The following ZMAT4 variants were observed in gnomAD, a reference collection of about 807,000 sequenced individuals.
ZMAT4 encodes the protein zinc finger matrin-type 4, also known as zinc finger matrin-type protein 4.
A neutral mutation model predicts 28.7 loss-of-function variants in ZMAT4; 17 were observed. The ratio of observed to expected loss-of-function variants is 0.59; its 90% CI spans 0.41 to 0.89. ZMAT4 has a LOEUF of 0.89. Ranked by LOEUF, ZMAT4 falls within the 40% of genes least tolerant of loss-of-function variation. The pLI is 0.00. For synonymous variants in ZMAT4, 117 were observed against 109.2 expected (o/e 1.07, Z -0.44); for missense variants, 240 against 283.8 (o/e 0.85, Z 1.11).
At chr8:40,637,862 A>T (rs1345244551) in intron 5 of ZMAT4, among the ~76,000 whole-genome samples, 1 of 152,204 alleles carries the variant, frequency 6.6e-6, no homozygotes, top group Non-Finnish European at 1.5e-5. Flanking sequence ...TACAAAATGG[A>T]ATACTATTTA....
rs540837579 is a variant in ZMAT4, at chr8:40,647,103, T to A, written c.577+27601A>T. 9.8e-5 allele frequency among the ~76,000 whole-genome samples: 15 copies of A among 152,340 alleles called. No individual in the cohort carries two copies. In the South Asian group the frequency reaches 2.7e-3, roughly 27 times the overall value. On this transcript the variant is annotated intron_variant, in intron 5 of 6. Coordinates refer to ENST00000297737, the MANE Select transcript of ZMAT4 (RefSeq NM_024645.3). ...TGGCCTAATAGGAACAGCTCCGGTC[T>A]ACAGCTCCCAGCGTGAGCGACGCAG...
intron 1 of ZMAT4, among the ~76,000 whole-genome samples, chr8:40,879,418 G>T (rs533952934): frequency 6.6e-6 from 1 of 152,118 alleles, no homozygotes; most frequent in Non-Finnish European, 1.5e-5. Context: ...GTGAGACCCT[G>T]TCTCTTAAAA....
chr8:40,690,426 G>A (rs989057266), intron 4 of ZMAT4, among the ~76,000 whole-genome samples: 1 of 152,090 alleles, frequency 6.6e-6, no homozygotes, highest in Non-Finnish European at 1.5e-5. Flanking sequence ...ACATCAACTG[G>A]AACAAATGCA....
chr8:40,604,976 C>T (rs554378530), intron 5 of ZMAT4, among the ~76,000 whole-genome samples: 3 of 152,072 alleles, frequency 2.0e-5, no homozygotes, highest in Non-Finnish European at 4.4e-5. Context: ...CATAAATGTG[C>T]TCATAGTAGC....
chr8:40,692,530 C>T (rs1011174859), intron 4 of ZMAT4, among the ~76,000 whole-genome samples: 6 of 152,170 alleles, frequency 3.9e-5, no homozygotes, highest in Admixed American at 1.3e-4. Flanking sequence ...CAAAGTCTAA[C>T]GCAGTTGAAT....
chr8:40,745,013 A>C (rs1480900171), intron 3 of ZMAT4, among the ~76,000 whole-genome samples: 1 of 152,198 alleles, frequency 6.6e-6, no homozygotes, highest in Admixed American at 6.5e-5. Flanking sequence ...ACTTGGAACA[A>C]GGGTCAGGAG....
At chr8:40,826,938 G>A (rs779721557) in intron 1 of ZMAT4, among the ~76,000 whole-genome samples, 9 of 152,066 alleles carry the variant, frequency 5.9e-5, no homozygotes, top group Non-Finnish European at 1.0e-4. Context: ...CCTCCTACCC[G>A]TCAAGCAAGA....
intron 2 of ZMAT4, among the ~76,000 whole-genome samples, chr8:40,811,988 A>G (rs1586094876): frequency 6.6e-6 from 1 of 150,692 alleles, no homozygotes; most frequent in Non-Finnish European, 1.5e-5. Flanking sequence ...AAAATTAGCC[A>G]GGCGTGGTGG....
At chr8:40,815,210 G>A (rs975625080) in intron 2 of ZMAT4, among the ~76,000 whole-genome samples, 4 of 152,164 alleles carry the variant, frequency 2.6e-5, no homozygotes, top group Non-Finnish European at 2.9e-5. Flanking sequence ...AGGAGGTGGA[G>A]GTTGCAGTGA....
intron 5 of ZMAT4, among the ~76,000 whole-genome samples, chr8:40,607,375 C>T (rs374498627): frequency 1.3e-5 from 2 of 152,050 alleles, no homozygotes; most frequent in African/African-American, 4.8e-5. Flanking sequence ...TCGTGATCTG[C>T]CCACTCAGCC....
intron 3 of ZMAT4, among the ~76,000 whole-genome samples, chr8:40,732,834 C>CTT (rs11461186): frequency 0.053 from 3,550 of 67,058 alleles, 653 homozygotes; most frequent in Non-Finnish European, 0.07. Context: ...GCAAGACCTC[C>CTT]TTTTTTTTTT....
intron 1 of ZMAT4, among the ~76,000 whole-genome samples, chr8:40,830,498 A>C (rs6983851): frequency 0.24 from 36,465 of 152,038 alleles, 4,616 homozygotes; most frequent in South Asian, 0.32. Flanking sequence ...TTATTGCTGC[A>C]AAGGACACTA....
rs575422015 is a variant in ZMAT4, at chr8:40,798,281, G to A, written c.102+27294C>T. On this transcript the variant is annotated intron_variant, in intron 2 of 6. Coordinates refer to ENST00000297737, the MANE Select transcript of ZMAT4 (RefSeq NM_024645.3). Reference sequence around the variant, plus strand: ...CACATCTCGGAAAGAACTTTCTGATGTTCTCTTCCTCCTCCCCTGGCAAAC... The same window carrying A: ...CACATCTCGGAAAGAACTTTCTGATATTCTCTTCCTCCTCCCCTGGCAAAC... 2.6e-5 allele frequency among the ~76,000 whole-genome samples: 4 copies of A among 152,254 alleles called. No homozygotes were observed. In the South Asian group the frequency reaches 8.3e-4, roughly 32 times the overall value.
At chr8:40,643,670 G>C (rs1410979321) in intron 5 of ZMAT4, among the ~76,000 whole-genome samples, 6 of 151,882 alleles carry the variant, frequency 4.0e-5, no homozygotes, top group African/African-American at 1.5e-4. Flanking sequence ...GAGGAAGCGA[G>C]CCCAGCCTGG....
intron 1 of ZMAT4, among the ~76,000 whole-genome samples, chr8:40,832,161 G>A (rs932661057): frequency 2.6e-5 from 4 of 151,950 alleles, no homozygotes; most frequent in Admixed American, 2.0e-4. Flanking sequence ...TCCAGCTCGC[G>A]ACCACCATAA....
intron 5 of ZMAT4, among the ~76,000 whole-genome samples, chr8:40,611,051 A>G (rs1805777237): frequency 6.6e-6 from 1 of 152,142 alleles, no homozygotes. Flanking sequence ...TCTGTGCTTA[A>G]TTGAAAAGTT....
chr8:40,669,780 T>C (rs771139509), intron 5 of ZMAT4, among the ~76,000 whole-genome samples: 10 of 152,182 alleles, frequency 6.6e-5, no homozygotes, highest in Non-Finnish European at 1.2e-4. Context: ...TTTTCAACCG[T>C]GTAGGGGGTT....
chr8:40,609,181 T>C (rs1157206229), intron 5 of ZMAT4, among the ~76,000 whole-genome samples: 1 of 152,172 alleles, frequency 6.6e-6, no homozygotes, highest in Admixed American at 6.5e-5. Context: ...AGTAGGAAAA[T>C]ATAATAAAAA....
At chr8:40,782,379 C>T (rs140893179) in intron 2 of ZMAT4, among the ~76,000 whole-genome samples, 93 of 151,722 alleles carry the variant, frequency 6.1e-4, no homozygotes, top group African/African-American at 2.1e-3. Flanking sequence ...AGCAAGACTC[C>T]GTCTCGAAAA....
Sources: gnomAD v4.1 joint callset for allele counts (sites outside exome capture counted in the v4.1 genomes callset) on GRCh38, gnomAD v4.1.1 for gene constraint, MANE v1.5 for transcripts, NCBI Gene and HGNC (gene_info 2026-07-23, HGNC 2026-07-21) for gene names.